Variants in CREBRF observed in about 807,000 individuals in gnomAD.
The protein encoded by CREBRF is UPF0474 protein C5orf41.
Under a neutral mutation model 66.1 loss-of-function variants are expected in CREBRF, and 5 were observed. That is an observed-to-expected ratio of 0.08 (90% CI 0.04 to 0.16). The LOEUF is 0.16. Among genes scored for constraint, CREBRF ranks in the 10% least tolerant of loss-of-function variants. CREBRF has a pLI of 1.00. For missense variants in CREBRF, 531 were observed against 744.9 expected, an observed-to-expected ratio of 0.71 and a Z score of 3.34; for synonymous variants, 229 against 264.4, an observed-to-expected ratio of 0.87 and a Z score of 1.30.
intron 7 of CREBRF, among the ~76,000 whole-genome samples, chr5:173,116,523 AT>A (rs1020613349): frequency 8.5e-5 from 13 of 152,324 alleles, no homozygotes; most frequent in African/African-American, 2.9e-4. Flanking sequence ...CAGCATAATT[AT>A]TTAAAAATTC....
rs1186370279 is a variant in CREBRF at position 173,117,579 on chromosome 5, CTCCTTCCTTCCT to C, written c.1681+5212_1681+5223del. Among the ~76,000 whole-genome samples, 3 of 39,634 alleles carry C rather than the reference CTCCTTCCTTCCT, an allele frequency of 7.6e-5. No homozygotes were observed. In the South Asian group the frequency reaches 2.7e-3, roughly 36 times the overall value. The allele number at this position is 39,634 out of a possible 152,430, so 26.0% of individuals were successfully genotyped here. A position where few individuals can be genotyped will look rare whatever the true frequency, so the allele number is the denominator to read the frequency against. On this transcript the variant is annotated intron_variant, in intron 7 of 8. Transcript: ENST00000296953. ...TCTTCCTCCCTCCCTCCCTCCCTCC[CTCCTTCCTTCCT>C]TCCTTCCTTCCATCCCTCCCTCCCT...
intron 1 of CREBRF, among the ~76,000 whole-genome samples, chr5:173,079,859 A>G (rs1343461337): frequency 2.0e-5 from 3 of 152,194 alleles, no homozygotes; most frequent in Non-Finnish European, 2.9e-5. Flanking sequence ...CTTCATGGAG[A>G]AGGGAAAAAA....
intron 2 of CREBRF, among the ~76,000 whole-genome samples, chr5:173,082,733 C>T (rs1757995192): frequency 6.6e-6 from 1 of 150,626 alleles, no homozygotes. Context: ...CATGGTGAAA[C>T]CCTGTCTCTA....
intron 4 of CREBRF, among the ~76,000 whole-genome samples, chr5:173,102,532 G>T (rs1488075765): frequency 6.6e-6 from 1 of 152,122 alleles, no homozygotes; most frequent in Non-Finnish European, 1.5e-5. Context: ...CCTGGTGCCT[G>T]GTACTGTGGA....
At chr5:173,105,145 C>A (rs550254001) in intron 4 of CREBRF, among the ~76,000 whole-genome samples, 2 of 151,806 alleles carry the variant, frequency 1.3e-5, no homozygotes, top group Non-Finnish European at 2.9e-5. Context: ...GATCCAGGCC[C>A]CTTGCAGAGA....
rs985240899 is a variant in CREBRF at position 173,091,338 on chromosome 5, G to A, written c.1159G>A (p.Glu387Lys). The change falls in exon 4 of 9, where the codon GAA becomes AAA. Residue 387 changes from glutamate to lysine, a missense_variant. Physicochemically the swap from Glu to Lys is moderately conservative, Grantham distance 56. Transcript: ENST00000296953. ...ACTGTCTGAAAATGAGGAGGAGGAAGAAGAGGAAGAGGATTATGAAGATGA... is the reference window on the plus strand; with the variant it reads ...ACTGTCTGAAAATGAGGAGGAGGAAAAAGAGGAAGAGGATTATGAAGATGA... ...HELSENEEEE[E>K]EEEDYEDDKD... 6.2e-7 allele frequency: 1 copy of A among 1,613,296 alleles called. No individual in the cohort carries two copies. The highest frequency in any genetic ancestry group is 8.5e-7 in the Non-Finnish European group (1 of 1,179,532).
intron 2 of CREBRF, among the ~76,000 whole-genome samples, chr5:173,083,609 C>T (rs1009801439): frequency 6.6e-6 from 1 of 152,104 alleles, no homozygotes; most frequent in Non-Finnish European, 1.5e-5. Flanking sequence ...AATTGTCTTC[C>T]AGCTTGCTTT....
chr5:173,111,492 TGG>T (rs1758869707), intron 6 of CREBRF, among the ~76,000 whole-genome samples: 1 of 152,334 alleles, frequency 6.6e-6, no homozygotes, highest in African/African-American at 2.4e-5. Context: ...CCCAAAGTGC[TGG>T]GATTACAGGC....
At chr5:173,083,425 T>C (rs1364255741) in intron 2 of CREBRF, among the ~76,000 whole-genome samples, 2 of 152,174 alleles carry the variant, frequency 1.3e-5, no homozygotes, top group African/African-American at 2.4e-5. Context: ...CCCAAGTCTT[T>C]TTTTTCCCCT....
At chr5:173,081,667 A>G (rs929899443) in intron 2 of CREBRF, among the ~76,000 whole-genome samples, 8 of 152,182 alleles carry the variant, frequency 5.3e-5, no homozygotes, top group Non-Finnish European at 1.0e-4. Flanking sequence ...TCACGCCTGT[A>G]ATCCCAGCAC....
At chr5:173,110,794 C>A in intron 6 of CREBRF, 83 bp downstream of exon 6, 1 of 925,962 alleles carries the variant, frequency 1.1e-6, no homozygotes, top group Non-Finnish European at 1.6e-6. Context: ...AGAAGGACAA[C>A]AAAGAAATTG....
intron 4 of CREBRF, among the ~76,000 whole-genome samples, chr5:173,094,734 C>T (rs1012486824): frequency 6.6e-6 from 1 of 151,840 alleles, no homozygotes; most frequent in Non-Finnish European, 1.5e-5. Context: ...ATAGGTAGTC[C>T]CTTCACTCTG....
rs1757442644 is a variant in CREBRF at position 173,066,586 on chromosome 5, C to CT, written c.-192+10108dup. ...CTGTCGTCTAACCACTGTTATATCT[C>CT]TAACATTTTTATCACCACAGAAAGT... On this transcript the variant is annotated intron_variant, in intron 1 of 8. Transcript: ENST00000296953. Among the ~76,000 whole-genome samples the CT allele has an allele frequency of 2.6e-5, 4 of 152,250 alleles. No individual in the cohort carries two copies. In the South Asian group the frequency reaches 6.2e-4, roughly 24 times the overall value.
At chr5:173,083,234 G>T (rs967329788) in intron 2 of CREBRF, among the ~76,000 whole-genome samples, 2 of 151,914 alleles carry the variant, frequency 1.3e-5, no homozygotes, top group Admixed American at 6.6e-5. Context: ...ATAAATAAAA[G>T]AAATTTTTTA....
intron 1 of CREBRF, among the ~76,000 whole-genome samples, chr5:173,071,164 G>C (rs912081038): frequency 1.3e-5 from 2 of 150,304 alleles, no homozygotes; most frequent in Non-Finnish European, 3.0e-5. Flanking sequence ...TTAGACTTAA[G>C]AGTAGTGGAA....
intron 1 of CREBRF, among the ~76,000 whole-genome samples, chr5:173,075,352 CT>C (rs1042126625): frequency 7.2e-5 from 11 of 152,184 alleles, no homozygotes. Context: ...TGAGCCCCAC[CT>C]TTCCCCCAGT....
intron 4 of CREBRF, among the ~76,000 whole-genome samples, chr5:173,106,583 A>G (rs931027453): frequency 6.6e-6 from 1 of 152,026 alleles, no homozygotes; most frequent in African/African-American, 2.4e-5. Flanking sequence ...TTCCAAATTG[A>G]TTCTTTTTTT....
In CREBRF at chr5:173,118,377, T is replaced by A. The variant is rs569567433; in HGVS notation, c.1682-4703T>A. 2.9e-4 allele frequency among the ~76,000 whole-genome samples: 44 copies of A among 152,366 alleles called. No homozygotes were observed. In the South Asian group the frequency reaches 3.1e-3, roughly 11 times the overall value. On this transcript the variant is annotated intron_variant, in intron 7 of 8. Coordinates refer to ENST00000296953, the MANE Select transcript of CREBRF (RefSeq NM_153607.3). ...TGATGAATCAATTTGTCAGTTTTTTTAATATTTCATGATGTTTTGTGTTGT... is the reference window on the plus strand; with the variant it reads ...TGATGAATCAATTTGTCAGTTTTTTAAATATTTCATGATGTTTTGTGTTGT...
At chr5:173,082,411 G>A (rs1487779046) in intron 2 of CREBRF, among the ~76,000 whole-genome samples, 1 of 151,814 alleles carries the variant, frequency 6.6e-6, no homozygotes, top group African/African-American at 2.4e-5. Context: ...GGTTCTGCAG[G>A]CTGGAAAAGT....
Sources: gnomAD v4.1 joint callset for allele counts (sites outside exome capture counted in the v4.1 genomes callset) on GRCh38, gnomAD v4.1.1 for gene constraint, MANE v1.5 for transcripts, NCBI Gene and HGNC (gene_info 2026-07-23, HGNC 2026-07-21) for gene names.